The following TRAPPC9 variants were observed in gnomAD, a reference collection of about 807,000 sequenced individuals.
TRAPPC9 encodes the protein trafficking protein particle complex subunit 9.
Under a neutral mutation model 124.0 loss-of-function variants are expected in TRAPPC9, and 83 were observed. The ratio of observed to expected loss-of-function variants is 0.67; its 90% confidence interval spans 0.56 to 0.80. The LOEUF (loss-of-function observed/expected upper bound fraction) is 0.80. Among genes scored for constraint, TRAPPC9 ranks in the 30% least tolerant of loss-of-function variants. TRAPPC9 has a pLI of 0.00. For synonymous variants in TRAPPC9, 638 were observed against 617.5 expected, an observed-to-expected ratio of 1.03 and a Z score of -0.49; for missense variants, 1,302 against 1,508.3, an observed-to-expected ratio of 0.86 and a Z score of 2.27.
intron 2 of TRAPPC9, among the ~76,000 whole-genome samples, chr8:140,445,835 G>A (rs1308860305): frequency 2.0e-5 from 3 of 152,232 alleles, no homozygotes; most frequent in Non-Finnish European, 4.4e-5. Context: ...CAGTGAGGTG[G>A]TGGCAGCAGG....
Position 140,129,657 on chromosome 8 carries a change from G to GA in TRAPPC9, c.2556+91801dup, listed in dbSNP as rs1468018978. 2.7e-5 allele frequency among the ~76,000 whole-genome samples: 4 copies of GA among 148,870 alleles called. No individual in the cohort carries two copies. In the East Asian group the frequency reaches 7.7e-4, roughly 29 times the overall value. On this transcript the variant is annotated intron_variant, in intron 17 of 22. Coordinates refer to ENST00000438773, the MANE Select transcript of TRAPPC9 (RefSeq NM_001160372.4). Reference sequence around the variant, plus strand: ...TAAGTCAGCAATGGAAGGATGGTGAGAGCCAGCTTTCTCCCCGAGAGAAAA... The same window carrying GA: ...TAAGTCAGCAATGGAAGGATGGTGAGAAGCCAGCTTTCTCCCCGAGAGAAAA...
intron 9 of TRAPPC9, 129 bp from the exon 10 acceptor site, chr8:140,311,503 G>A: frequency 1.9e-6 from 2 of 1,072,120 alleles, no homozygotes; most frequent in Non-Finnish European, 2.8e-6. Context: ...AAGGGGCAGT[G>A]AGCAAAAGAG....
chr8:139,730,724 C>A lies in TRAPPC9; in HGVS notation c.*337G>T. On this transcript the variant is annotated 3_prime_UTR_variant, in exon 23 of 23. Transcript: ENST00000438773. ...GGTCCCTCTGCTGGGATGAGCAGCACAGCACGGCTGGGGCCCCAGGTCACA... is the reference window on the plus strand; with the variant it reads ...GGTCCCTCTGCTGGGATGAGCAGCAAAGCACGGCTGGGGCCCCAGGTCACA... The A allele has an allele frequency of 2.7e-6, 1 of 371,532 alleles. No homozygotes were observed. Among genetic ancestry groups the A allele is most frequent in the Non-Finnish European group, 5.0e-6 (1 of 198,396 alleles). 23.0% of individuals were successfully genotyped at this position (371,532 alleles called of 1,614,324 possible).
At chr8:139,858,704 C>G (rs1354878368) in intron 21 of TRAPPC9, among the ~76,000 whole-genome samples, 1 of 152,022 alleles carries the variant, frequency 6.6e-6, no homozygotes, top group Non-Finnish European at 1.5e-5. Flanking sequence ...ACCTGCAACA[C>G]AGCCGGCACC....
At chr8:140,158,454 G>A (rs981438077) in intron 17 of TRAPPC9, among the ~76,000 whole-genome samples, 1 of 152,184 alleles carries the variant, frequency 6.6e-6, no homozygotes, top group Non-Finnish European at 1.5e-5. Context: ...AGCCAGGAGG[G>A]CAGGGAGACA....
intron 20 of TRAPPC9, among the ~76,000 whole-genome samples, chr8:139,909,050 G>A (rs1344779926): frequency 1.3e-5 from 2 of 152,150 alleles, no homozygotes; most frequent in Non-Finnish European, 2.9e-5. Flanking sequence ...AGTCCCTTTA[G>A]CTTGAACAAA....
At position 140,195,815 on chromosome 8, in the gene TRAPPC9, A is replaced by T. The variant is rs551462993; in HGVS notation, c.2556+25644T>A. ...AATTCACATACAGACCACACCTGTG[A>T]TACTAAAACACTCAATGATCCACCA... is the stretch of plus-strand genomic sequence containing the variant. On this transcript the variant is annotated intron_variant, in intron 17 of 22. Coordinates refer to ENST00000438773, the MANE Select transcript of TRAPPC9 (RefSeq NM_001160372.4). Among the ~76,000 whole-genome samples the T allele has an allele frequency of 5.3e-4, 80 of 151,572 alleles. No individual in the cohort carries two copies. In the South Asian group the frequency reaches 9.2e-3, roughly 17 times the overall value.
chr8:140,014,365 T>C (rs994795606), intron 18 of TRAPPC9, among the ~76,000 whole-genome samples: 1 of 151,942 alleles, frequency 6.6e-6, no homozygotes, highest in East Asian at 1.9e-4. Context: ...AAAAAGCAAA[T>C]CTCAAAGGTA....
intron 9 of TRAPPC9, among the ~76,000 whole-genome samples, chr8:140,318,525 C>G (rs2066500358): frequency 6.6e-6 from 1 of 152,210 alleles, no homozygotes; most frequent in Admixed American, 6.5e-5. Context: ...CCATCATCTC[C>G]CCATTCCACT....
intron 21 of TRAPPC9, among the ~76,000 whole-genome samples, chr8:139,797,271 T>C (rs1323184799): frequency 1.3e-5 from 2 of 152,194 alleles, no homozygotes; most frequent in African/African-American, 2.4e-5. Context: ...AATTTATTTA[T>C]TTTTTTGAGA....
At chr8:140,125,401 C>T (rs918208978) in intron 17 of TRAPPC9, among the ~76,000 whole-genome samples, 2 of 152,074 alleles carry the variant, frequency 1.3e-5, no homozygotes, top group South Asian at 2.1e-4. Context: ...ACGCAGACCA[C>T]GGGGTCAACT....
At chr8:140,101,226 G>A (rs2060572401) in intron 17 of TRAPPC9, among the ~76,000 whole-genome samples, 2 of 152,106 alleles carry the variant, frequency 1.3e-5, no homozygotes, top group African/African-American at 4.8e-5. Flanking sequence ...TCCAGCCTCT[G>A]CCTCCCAGAT....
At chr8:140,295,599 G>C (rs1278372189) in intron 11 of TRAPPC9, among the ~76,000 whole-genome samples, 1 of 152,230 alleles carries the variant, frequency 6.6e-6, no homozygotes, top group African/African-American at 2.4e-5. Flanking sequence ...CATGGATGTA[G>C]CTCAGATGAT....
At chr8:140,100,974 T>C (rs565378754) in intron 17 of TRAPPC9, among the ~76,000 whole-genome samples, 1 of 152,348 alleles carries the variant, frequency 6.6e-6, no homozygotes, top group South Asian at 2.1e-4. Flanking sequence ...TGGAGGACTA[T>C]ATGTGACGTA....
At chr8:140,047,438 G>A (rs1158561790) in intron 17 of TRAPPC9, among the ~76,000 whole-genome samples, 3 of 152,256 alleles carry the variant, frequency 2.0e-5, no homozygotes, top group African/African-American at 4.8e-5. Flanking sequence ...AGCCAGGCAT[G>A]GCAGCCCACA....
At chr8:139,879,560 C>T (rs1785122576) in intron 21 of TRAPPC9, among the ~76,000 whole-genome samples, 1 of 152,180 alleles carries the variant, frequency 6.6e-6, no homozygotes, top group African/African-American at 2.4e-5. Context: ...CCATCCCAGC[C>T]CCTTCCCTTC....
At chr8:140,260,258 C>A (rs958736432) in intron 15 of TRAPPC9, among the ~76,000 whole-genome samples, 4 of 152,126 alleles carry the variant, frequency 2.6e-5, no homozygotes, top group Admixed American at 6.6e-5. Flanking sequence ...TGCAAATCCA[C>A]GTGCAAGACT....
intron 14 of TRAPPC9, 77 bp downstream of exon 14, chr8:140,283,812 C>T (rs1231747849): frequency 1.4e-6 from 2 of 1,470,214 alleles, no homozygotes; most frequent in Non-Finnish European, 1.9e-6. Context: ...CTCTTTGTGC[C>T]ATTAAAAAAA....
rs143474595 is a variant in TRAPPC9 at position 140,394,053 on chromosome 8, G to A, written c.1134+3567C>T. On this transcript the variant is annotated intron_variant, in intron 7 of 22. Transcript: ENST00000438773. ...AGAAAGAGCAAACAGCAAAAGGACA[G>A]GCTGCTCCAAAGAACAAAATGTCCT... Among the ~76,000 whole-genome samples, 13 of 152,330 alleles carry A rather than the reference G, an allele frequency of 8.5e-5. No homozygotes were observed. In the East Asian group the frequency reaches 1.7e-3, roughly 20 times the overall value.
Sources: gnomAD v4.1 joint callset for allele counts (sites outside exome capture counted in the v4.1 genomes callset) on GRCh38, gnomAD v4.1.1 for gene constraint, MANE v1.5 for transcripts, NCBI Gene and HGNC (gene_info 2026-07-23, HGNC 2026-07-21) for gene names.